HECW1: variants seen among roughly 807,000 people sequenced by gnomAD.
The protein encoded by HECW1 is HECT, C2 and WW domain containing E3 ubiquitin protein ligase 1, also known as E3 ubiquitin-protein ligase HECW1.
Under a neutral mutation model 182.3 loss-of-function variants are expected in HECW1, and 61 were observed. The observed-to-expected ratio is 0.33, with a 90% confidence interval of 0.27 to 0.41. The LOEUF (loss-of-function observed/expected upper bound fraction) is 0.41, where lower values mean the gene tolerates loss of function less well. HECW1 is among the 10% of genes least tolerant of loss of function. The pLI is 1.00. For synonymous variants in HECW1, 859 were observed against 832.6 expected, an observed-to-expected ratio of 1.03 and a Z score of -0.55; for missense variants, 1,739 against 2,108.9, an observed-to-expected ratio of 0.82 and a Z score of 3.44.
At chr7:43,312,239 T>C in intron 4 of HECW1, 152 bp downstream of exon 4, 3 of 723,408 alleles carry the variant, frequency 4.1e-6, no homozygotes, top group Non-Finnish European at 6.7e-6. Context: ...ATGACCTTGT[T>C]TTTCTGCAAA....
chr7:43,341,861 G>A (rs769365544), intron 5 of HECW1, among the ~76,000 whole-genome samples: 1 of 151,608 alleles, frequency 6.6e-6, no homozygotes, highest in Non-Finnish European at 1.5e-5. Flanking sequence ...TTTTCTGTTA[G>A]AGCCATATAT....
intron 3 of HECW1, among the ~76,000 whole-genome samples, chr7:43,295,738 A>C (rs139624981): frequency 2.6e-5 from 4 of 152,282 alleles, no homozygotes; most frequent in African/African-American, 9.6e-5. Context: ...ATATCCCACT[A>C]TCTCTCAGTC....
At chr7:43,277,142 T>A (rs1365669860) in intron 3 of HECW1, among the ~76,000 whole-genome samples, 1 of 152,194 alleles carries the variant, frequency 6.6e-6, no homozygotes, top group African/African-American at 2.4e-5. Context: ...ATCAGTTCAT[T>A]CATTAGGTAA....
At chr7:43,313,562 C>G (rs1288077926) in intron 4 of HECW1, among the ~76,000 whole-genome samples, 1 of 152,198 alleles carries the variant, frequency 6.6e-6, no homozygotes, top group Non-Finnish European at 1.5e-5. Flanking sequence ...GTCTCGAACT[C>G]CCGACCTCAG....
chr7:43,221,558 TTTTTTTTTTTTTTTTTTTTTTG>T (rs1796963418), intron 2 of HECW1, among the ~76,000 whole-genome samples: 1 of 107,710 alleles, frequency 9.3e-6, no homozygotes, highest in Non-Finnish European at 1.9e-5. Flanking sequence ...TTTTTTTTTT[TTTTTTTTTTTTTTTTTTTTTTG>T]GGACAGCCTG....
intron 3 of HECW1, among the ~76,000 whole-genome samples, chr7:43,299,538 TA>T (rs897127785): frequency 1.3e-4 from 20 of 149,940 alleles, no homozygotes; most frequent in South Asian, 4.2e-4. Flanking sequence ...GAAAAAGACT[TA>T]AAAAAAAAAG....
intron 8 of HECW1, among the ~76,000 whole-genome samples, chr7:43,415,429 T>C (rs1331981782): frequency 6.7e-6 from 1 of 149,386 alleles, no homozygotes; most frequent in African/African-American, 2.5e-5. Flanking sequence ...CCTTTGAGGG[T>C]AACCCGACCT....
At chr7:43,212,250 G>C (rs189387783) in intron 2 of HECW1, among the ~76,000 whole-genome samples, 1 of 152,224 alleles carries the variant, frequency 6.6e-6, no homozygotes, top group Non-Finnish European at 1.5e-5. Flanking sequence ...TCAGATTAGG[G>C]TTGTGTTATT....
chr7:43,180,807 A>G (rs1792778307), intron 2 of HECW1, among the ~76,000 whole-genome samples: 1 of 152,256 alleles, frequency 6.6e-6, no homozygotes. Flanking sequence ...GTAATTAGCA[A>G]ATCCATCACC....
intron 2 of HECW1, among the ~76,000 whole-genome samples, chr7:43,196,117 T>C (rs970037090): frequency 6.6e-6 from 1 of 152,172 alleles, no homozygotes; most frequent in Admixed American, 6.5e-5. Context: ...AACTGCCGCC[T>C]GGAATTTTCC....
intron 8 of HECW1, among the ~76,000 whole-genome samples, chr7:43,431,619 A>T (rs548262286): frequency 6.6e-6 from 1 of 152,312 alleles, no homozygotes; most frequent in African/African-American, 2.4e-5. Flanking sequence ...TGAGTGTGTC[A>T]TTTGCATGGT....
chr7:43,373,492 A>T (rs1414529307), intron 6 of HECW1, among the ~76,000 whole-genome samples: 1 of 151,986 alleles, frequency 6.6e-6, no homozygotes, highest in Non-Finnish European at 1.5e-5. Context: ...TCTCGCTCTG[A>T]AAAAAGAATC....
intron 2 of HECW1, among the ~76,000 whole-genome samples, chr7:43,160,893 G>GTCCC (rs529867190): frequency 2.4e-4 from 36 of 151,812 alleles, no homozygotes; most frequent in Admixed American, 7.9e-4. Context: ...TACAGTTGTC[G>GTCCC]TATTTATTTA....
chr7:43,462,905 G>A (rs1205638938), intron 13 of HECW1, among the ~76,000 whole-genome samples: 1 of 152,160 alleles, frequency 6.6e-6, no homozygotes, highest in East Asian at 1.9e-4. Context: ...CATACCTCTT[G>A]CCTGTCTGTG....
intron 3 of HECW1, among the ~76,000 whole-genome samples, chr7:43,302,281 C>T (rs1439368373): frequency 2.0e-5 from 3 of 152,190 alleles, no homozygotes; most frequent in East Asian, 1.9e-4. Flanking sequence ...GCTAACTGGC[C>T]GCAGGGAGTC....
intron 2 of HECW1, among the ~76,000 whole-genome samples, chr7:43,228,702 G>A (rs964533805): frequency 1.2e-4 from 18 of 152,170 alleles, no homozygotes; most frequent in African/African-American, 4.3e-4. Context: ...TGTGTGCAAA[G>A]ATGCTTCTCC....
intron 24 of HECW1, among the ~76,000 whole-genome samples, chr7:43,521,819 T>G (rs2080491051): frequency 6.6e-6 from 1 of 152,230 alleles, no homozygotes; most frequent in Admixed American, 6.5e-5. Context: ...GAGGTTGCAG[T>G]GAGCCTAATT....
chr7:43,274,562 A>C, intron 3 of HECW1: 4 of 522,670 alleles, frequency 7.7e-6, no homozygotes, highest in Non-Finnish European at 1.1e-5. Context: ...CACCACCAAG[A>C]GGCCCAACAT....
chr7:43,462,776 G>A (rs931848824), intron 13 of HECW1, among the ~76,000 whole-genome samples: 5 of 152,176 alleles, frequency 3.3e-5, no homozygotes, highest in Non-Finnish European at 7.3e-5. Context: ...CCCAAGGGTG[G>A]CCTGCTTTTG....
Sources: gnomAD v4.1 joint callset for allele counts (sites outside exome capture counted in the v4.1 genomes callset) on GRCh38, gnomAD v4.1.1 for gene constraint, MANE v1.5 for transcripts, NCBI Gene and HGNC (gene_info 2026-07-23, HGNC 2026-07-21) for gene names.